The following ASTN2 variants were observed in gnomAD, a reference collection of about 807,000 sequenced individuals.
The protein encoded by ASTN2 is astrotactin 2.
ASTN2 carries 54 observed loss-of-function variants against 139.8 expected under a neutral mutation model. The observed-to-expected ratio is 0.39, with a 90% CI of 0.31 to 0.48. The LOEUF (loss-of-function observed/expected upper bound fraction) is 0.48, where lower values mean the gene tolerates loss of function less well. Ranked by LOEUF, ASTN2 falls within the 20% of genes least tolerant of loss-of-function variation. The probability of loss-of-function intolerance (pLI) is 0.95; values close to 1 mark genes in which losing one functional copy is unlikely to be tolerated. For synonymous variants in ASTN2, 756 were observed against 719.5 expected, an observed-to-expected ratio of 1.05 and a Z score of -0.81; for missense variants, 1,565 against 1,725.1, an observed-to-expected ratio of 0.91 and a Z score of 1.64.
At chr9:116,556,800 T>C (rs1852641488) in intron 19 of ASTN2, among the ~76,000 whole-genome samples, 1 of 152,180 alleles carries the variant, frequency 6.6e-6, no homozygotes, top group Admixed American at 6.5e-5. Context: ...CTTTATCCAC[T>C]TGTTTTTCTG....
rs142096980 is a variant in ASTN2, at chr9:116,458,714, G to A, written c.3498-16161C>T. ...AATAAATTTAACAAAAGAAGCATAA[G>A]ACTTGAACACTAAAAACTACAGAAT... On this transcript the variant is annotated intron_variant, in intron 20 of 22. Coordinates refer to ENST00000313400, the MANE Select transcript of ASTN2 (RefSeq NM_001365068.1). Among the ~76,000 whole-genome samples, 631 of 151,792 alleles carry A rather than the reference G, an allele frequency of 4.2e-3. 4 individuals carry two copies. Among genetic ancestry groups the A allele is most frequent in the African/African-American group, 0.014 (600 of 41,460 alleles).
chr9:117,290,385 A>G (rs1247148584), intron 2 of ASTN2, among the ~76,000 whole-genome samples: 1 of 152,208 alleles, frequency 6.6e-6, no homozygotes, highest in East Asian at 1.9e-4. Flanking sequence ...ATAGCTTTTT[A>G]AAGAAAGCAT....
intron 19 of ASTN2, among the ~76,000 whole-genome samples, chr9:116,617,193 C>G (rs1189637660): frequency 6.6e-6 from 1 of 152,142 alleles, no homozygotes; most frequent in African/African-American, 2.4e-5. Flanking sequence ...ACATTCACAG[C>G]CTCATTTTAT....
At position 116,984,505 on chromosome 9, in the gene ASTN2, C is replaced by T. The variant is rs149249206; in HGVS notation, c.1592-7720G>A. On this transcript the variant is annotated intron_variant, in intron 7 of 22. Coordinates refer to ENST00000313400, the MANE Select transcript of ASTN2 (RefSeq NM_001365068.1). ...TAAGAGCAGGGTCACTTGAGACCAA[C>T]GTTCAGACCCTTTGAAGCTTCTTTC... Among the ~76,000 whole-genome samples the T allele has an allele frequency of 9.2e-4, 140 of 152,284 alleles. No individual in the cohort carries two copies. In the East Asian group the frequency reaches 0.024, roughly 26 times the overall value.
chr9:116,489,325 T>G (rs886333524), intron 19 of ASTN2, among the ~76,000 whole-genome samples: 2 of 152,050 alleles, frequency 1.3e-5, no homozygotes, highest in African/African-American at 4.8e-5. Flanking sequence ...ATTTATTTAT[T>G]TATTTTTTAA....
At chr9:116,487,581 A>G in intron 19 of ASTN2, 81 bp from the exon 20 acceptor site, 1 of 1,370,224 alleles carries the variant, frequency 7.3e-7, no homozygotes, top group Non-Finnish European at 9.8e-7. Flanking sequence ...AAACCTATCA[A>G]ATGTCTTGAT....
intron 2 of ASTN2, among the ~76,000 whole-genome samples, chr9:117,274,411 G>A (rs75279829): frequency 0.017 from 2,525 of 152,212 alleles, 36 homozygotes; most frequent in Middle Eastern, 0.044. Flanking sequence ...GTTAATCTGA[G>A]GGCTTCCCAA....
At chr9:116,680,767 C>T (rs1417367246) in intron 16 of ASTN2, among the ~76,000 whole-genome samples, 1 of 152,126 alleles carries the variant, frequency 6.6e-6, no homozygotes, top group Non-Finnish European at 1.5e-5. Flanking sequence ...GAACCAAAGA[C>T]AAAAATCACA....
intron 13 of ASTN2, among the ~76,000 whole-genome samples, chr9:116,793,868 T>C (rs1175555691): frequency 1.3e-5 from 2 of 152,106 alleles, no homozygotes; most frequent in Non-Finnish European, 2.9e-5. Context: ...AGCAGATATA[T>C]GGAAAATTCC....
At chr9:116,669,806 T>C (rs1859080357) in intron 16 of ASTN2, among the ~76,000 whole-genome samples, 2 of 124,494 alleles carry the variant, frequency 1.6e-5, no homozygotes, top group East Asian at 5.3e-4. Flanking sequence ...CCTTATGTAT[T>C]GTATTTTTTT....
chr9:117,240,736 T>C (rs1833180380), intron 2 of ASTN2, among the ~76,000 whole-genome samples: 1 of 152,180 alleles, frequency 6.6e-6, no homozygotes, highest in Non-Finnish European at 1.5e-5. Context: ...TCTGAAAGTG[T>C]TTCCTGAGGT....
intron 19 of ASTN2, among the ~76,000 whole-genome samples, chr9:116,578,619 C>CGCGCGCGCGCGT (rs1420552453): frequency 7.3e-6 from 1 of 137,592 alleles, no homozygotes; most frequent in African/African-American, 2.7e-5. Flanking sequence ...CTGGCTCCAA[C>CGCGCGCGCGCGT]GTGTGTGTGT....
At chr9:116,667,240 A>G (rs902999038) in intron 16 of ASTN2, among the ~76,000 whole-genome samples, 1 of 151,964 alleles carries the variant, frequency 6.6e-6, no homozygotes, top group African/African-American at 2.4e-5. Context: ...ACAGGCGTGA[A>G]CCACCACACC....
chr9:116,807,338 A>G (rs1035583058), intron 12 of ASTN2, among the ~76,000 whole-genome samples: 2 of 152,212 alleles, frequency 1.3e-5, no homozygotes, highest in Non-Finnish European at 2.9e-5. Context: ...AGACAAGCAT[A>G]GCTGGAAACC....
At chr9:116,910,705 A>T (rs1834287198) in intron 10 of ASTN2, among the ~76,000 whole-genome samples, 1 of 152,198 alleles carries the variant, frequency 6.6e-6, no homozygotes. Context: ...AAACCAGAAA[A>T]GAAGGGTTTG....
intron 10 of ASTN2, among the ~76,000 whole-genome samples, chr9:116,961,571 T>A (rs1835876460): frequency 6.6e-6 from 1 of 152,244 alleles, no homozygotes; most frequent in South Asian, 2.1e-4. Context: ...TAGGGCTGAA[T>A]AATATTCCAT....
chr9:116,593,236 A>G (rs1854442376), intron 19 of ASTN2, among the ~76,000 whole-genome samples: 1 of 152,224 alleles, frequency 6.6e-6, no homozygotes, highest in Admixed American at 6.5e-5. Flanking sequence ...CAAGGGAAAT[A>G]AAAGGGAATC....
intron 10 of ASTN2, among the ~76,000 whole-genome samples, chr9:116,947,308 T>C (rs761176465): frequency 3.9e-5 from 6 of 152,334 alleles, no homozygotes; most frequent in East Asian, 3.9e-4. Flanking sequence ...AGATAATGAA[T>C]GTGAACGTCT....
intron 1 of ASTN2, among the ~76,000 whole-genome samples, chr9:117,328,473 CT>C (rs1282499217): frequency 1.3e-5 from 2 of 152,312 alleles, no homozygotes; most frequent in East Asian, 3.9e-4. Flanking sequence ...GACCTGCCCC[CT>C]GAAAGACCTC....
Sources: allele counts gnomAD v4.1 joint callset (sites outside exome capture counted in the v4.1 genomes callset), GRCh38; gene constraint gnomAD v4.1.1; transcripts MANE v1.5; gene names NCBI Gene and HGNC (gene_info 2026-07-23, HGNC 2026-07-21).